The following TRAPPC9 variants were observed in gnomAD, a reference collection of about 807,000 sequenced individuals.
TRAPPC9 encodes the protein trafficking protein particle complex subunit 9.
A neutral mutation model predicts 124.0 loss-of-function variants in TRAPPC9; 83 were observed. The ratio of observed to expected loss-of-function variants is 0.67; its 90% confidence interval spans 0.56 to 0.80. The LOEUF is 0.80. TRAPPC9 is among the 30% of genes least tolerant of loss of function. The probability of loss-of-function intolerance (pLI) is 0.00; values close to 1 mark genes in which losing one functional copy is unlikely to be tolerated. For synonymous variants in TRAPPC9, 638 were observed against 617.5 expected, an observed-to-expected ratio of 1.03 and a Z score of -0.49; for missense variants, 1,302 against 1,508.3, an observed-to-expected ratio of 0.86 and a Z score of 2.27.
rs539546105 is a variant in TRAPPC9, at chr8:140,115,815, G to A, written c.2557-91736C>T. On this transcript the variant is annotated intron_variant, in intron 17 of 22. Coordinates refer to ENST00000438773, the MANE Select transcript of TRAPPC9 (RefSeq NM_001160372.4). Reference sequence around the variant, plus strand: ...TTACGGGCTACGGGTCACTGAGGATGCTGTGCCCGGGGCCCTTGTTCTCCT... The same window carrying A: ...TTACGGGCTACGGGTCACTGAGGATACTGTGCCCGGGGCCCTTGTTCTCCT... 1.8e-3 allele frequency among the ~76,000 whole-genome samples: 279 copies of A among 152,214 alleles called. 1 individual carries two copies. Among genetic ancestry groups the A allele is most frequent in the African/African-American group, 6.4e-3 (265 of 41,536 alleles).
intron 19 of TRAPPC9, among the ~76,000 whole-genome samples, chr8:139,944,090 A>T (rs1461370132): frequency 6.6e-6 from 1 of 152,246 alleles, no homozygotes; most frequent in Non-Finnish European, 1.5e-5. Flanking sequence ...AATAAGGGAA[A>T]GGAACTTTCA....
At chr8:140,263,088 C>A (rs1395146309) in intron 15 of TRAPPC9, among the ~76,000 whole-genome samples, 1 of 152,132 alleles carries the variant, frequency 6.6e-6, no homozygotes, top group Non-Finnish European at 1.5e-5. Context: ...CCCCAGTGCC[C>A]GATACGATGG....
intron 21 of TRAPPC9, among the ~76,000 whole-genome samples, chr8:139,880,257 T>TGGCTCC (rs1829596659): frequency 6.6e-6 from 1 of 152,148 alleles, no homozygotes; most frequent in Non-Finnish European, 1.5e-5. Context: ...GGCATAGCCA[T>TGGCTCC]GGCTCCCAAG....
chr8:139,814,122 C>T (rs1024763328), intron 21 of TRAPPC9, among the ~76,000 whole-genome samples: 1 of 152,250 alleles, frequency 6.6e-6, no homozygotes, highest in African/African-American at 2.4e-5. Context: ...GAATCACGTT[C>T]CTCCGGCAGC....
rs559780426 is a variant in TRAPPC9, at chr8:140,326,566, T to C, written c.1496-15192A>G. 3.3e-5 allele frequency among the ~76,000 whole-genome samples: 5 copies of C among 152,164 alleles called. No homozygotes were observed. In the South Asian group the frequency reaches 1.0e-3, roughly 32 times the overall value. ...TCCCCCTTCACTCAGACAAACATCA[T>C]CAATGATGACTTTAAGATGTACATT... On this transcript the variant is annotated intron_variant, in intron 9 of 22. Coordinates refer to ENST00000438773, the MANE Select transcript of TRAPPC9 (RefSeq NM_001160372.4).
chr8:139,834,691 G>C (rs760986256), intron 21 of TRAPPC9, among the ~76,000 whole-genome samples: 2 of 152,360 alleles, frequency 1.3e-5, no homozygotes, highest in African/African-American at 2.4e-5. Flanking sequence ...AGAGTAGCCT[G>C]AACTTGGAGT....
chr8:139,755,631 G>T lies in TRAPPC9; in HGVS notation c.3056-23429C>A, dbSNP rs1355299786. On this transcript the variant is annotated intron_variant, in intron 21 of 22. Transcript: ENST00000438773. ...CCAGGGTTGGGGTATAAGGACAGCAGGTCGCAGGAGGAGCCAGGGTTGGGG... is the reference window on the plus strand; with the variant it reads ...CCAGGGTTGGGGTATAAGGACAGCATGTCGCAGGAGGAGCCAGGGTTGGGG... Among the ~76,000 whole-genome samples the T allele has an allele frequency of 1.4e-4, 16 of 112,378 alleles. 1 individual carries two copies. The highest frequency in any genetic ancestry group is 5.4e-4 in the East Asian group (2 of 3,680). 73.7% of individuals were successfully genotyped at this position (112,378 alleles called of 152,430 possible).
chr8:140,140,159 C>T (rs539874460), intron 17 of TRAPPC9, among the ~76,000 whole-genome samples: 1 of 152,218 alleles, frequency 6.6e-6, no homozygotes, highest in Non-Finnish European at 1.5e-5. Context: ...TGGAAGTAGC[C>T]CTTACTCATC....
At chr8:140,105,669 C>T (rs987873031) in intron 17 of TRAPPC9, among the ~76,000 whole-genome samples, 3 of 152,172 alleles carry the variant, frequency 2.0e-5, no homozygotes, top group African/African-American at 7.2e-5. Context: ...TCTAGCAGTA[C>T]CTCCTCTGTG....
chr8:139,872,639 A>G (rs1289806376), intron 21 of TRAPPC9, among the ~76,000 whole-genome samples: 11 of 98,982 alleles, frequency 1.1e-4, no homozygotes, highest in Admixed American at 2.0e-4. Flanking sequence ...TTGATGGGTA[A>G]ATGGTTGGAT....
intron 9 of TRAPPC9, among the ~76,000 whole-genome samples, chr8:140,314,866 G>A (rs1009096743): frequency 2.0e-5 from 3 of 152,140 alleles, no homozygotes; most frequent in East Asian, 1.9e-4. Context: ...GGTTGATTCC[G>A]TATCTTGGCT....
At chr8:139,801,985 C>G (rs1823566905) in intron 21 of TRAPPC9, among the ~76,000 whole-genome samples, 1 of 152,198 alleles carries the variant, frequency 6.6e-6, no homozygotes, top group African/African-American at 2.4e-5. Flanking sequence ...AAAATCTTCC[C>G]CACCCAGGTG....
intron 7 of TRAPPC9, among the ~76,000 whole-genome samples, chr8:140,392,401 T>C (rs1305206805): frequency 6.6e-6 from 1 of 152,214 alleles, no homozygotes; most frequent in Non-Finnish European, 1.5e-5. Flanking sequence ...TTTTACAGGA[T>C]TAATACTGCT....
intron 9 of TRAPPC9, among the ~76,000 whole-genome samples, chr8:140,339,749 C>T (rs2067142803): frequency 6.6e-6 from 1 of 152,332 alleles, no homozygotes; most frequent in African/African-American, 2.4e-5. Flanking sequence ...AGAAATTCTG[C>T]TTATCTTATT....
intron 17 of TRAPPC9, among the ~76,000 whole-genome samples, chr8:140,074,996 C>T (rs13261464): frequency 0.34 from 52,216 of 152,016 alleles, 10,763 homozygotes; most frequent in Middle Eastern, 0.53. Context: ...AGAGACATCA[C>T]TTGCCCAATG....
intron 21 of TRAPPC9, among the ~76,000 whole-genome samples, chr8:139,767,787 C>T (rs1054578824): frequency 6.6e-6 from 1 of 152,230 alleles, no homozygotes; most frequent in Non-Finnish European, 1.5e-5. Context: ...GGCTGAGAGA[C>T]TGTAGCACAA....
intron 21 of TRAPPC9, among the ~76,000 whole-genome samples, chr8:139,770,600 C>T (rs939208662): frequency 2.0e-5 from 3 of 152,224 alleles, no homozygotes; most frequent in Non-Finnish European, 4.4e-5. Context: ...CAGTGGACAG[C>T]TCAGCCAGCG....
chr8:140,442,610 A>C (rs1331200146), intron 2 of TRAPPC9, among the ~76,000 whole-genome samples: 1 of 151,826 alleles, frequency 6.6e-6, no homozygotes, highest in African/African-American at 2.4e-5. Context: ...AAAAAAAAAA[A>C]AGAAGAAAAT....
At chr8:140,080,567 ACTCTCATGTTGACTGATCC>A (rs988943286) in intron 17 of TRAPPC9, among the ~76,000 whole-genome samples, 10 of 151,714 alleles carry the variant, frequency 6.6e-5, no homozygotes, top group African/African-American at 1.9e-4. Context: ...ATAACAACCC[ACTCTCATGTTGACTGATCC>A]AGCCCCATGA....
Sources: gnomAD v4.1 joint callset for allele counts (sites outside exome capture counted in the v4.1 genomes callset) on GRCh38, gnomAD v4.1.1 for gene constraint, MANE v1.5 for transcripts, NCBI Gene and HGNC (gene_info 2026-07-23, HGNC 2026-07-21) for gene names.